Variants in NELL1 observed in about 807,000 individuals in gnomAD.
NELL1 encodes protein kinase C-binding protein NELL1.
Under a neutral mutation model 107.4 loss-of-function variants are expected in NELL1, and 76 were observed. The observed-to-expected ratio is 0.71, with a 90% CI of 0.59 to 0.86. NELL1 has a LOEUF of 0.86. Among genes scored for constraint, NELL1 ranks in the 40% least tolerant of loss-of-function variants. NELL1 has a pLI of 0.00. For missense variants in NELL1, 1,024 were observed against 1,005.5 expected (o/e 1.02, Z -0.25); for synonymous variants, 353 against 341.2 (o/e 1.03, Z -0.38).
chr11:20,687,148 T>G (rs989127730), intron 2 of NELL1, among the ~76,000 whole-genome samples: 1 of 151,616 alleles, frequency 6.6e-6, no homozygotes, highest in African/African-American at 2.4e-5. Context: ...AGTATATGAG[T>G]TTTGTCTAAA....
chr11:20,749,490 A>G (rs1227679279), intron 2 of NELL1, among the ~76,000 whole-genome samples: 1 of 152,034 alleles, frequency 6.6e-6, no homozygotes, highest in Non-Finnish European at 1.5e-5. Flanking sequence ...GGACCAAGCT[A>G]CTTGGGAGGC....
intron 14 of NELL1, among the ~76,000 whole-genome samples, chr11:21,259,351 G>A (rs1858847402): frequency 6.6e-6 from 1 of 151,904 alleles, no homozygotes; most frequent in Non-Finnish European, 1.5e-5. Context: ...CTTTAGAGAA[G>A]TGGCCTTATT....
At chr11:20,795,139 G>A (rs954669268) in intron 3 of NELL1, among the ~76,000 whole-genome samples, 22 of 152,214 alleles carry the variant, frequency 1.4e-4, no homozygotes, top group African/African-American at 5.3e-4. Flanking sequence ...TGGGAACCCA[G>A]TAGCCAGAGT....
chr11:21,149,989 C>T lies in NELL1; in HGVS notation c.1426+36275C>T, dbSNP rs549975656. On this transcript the variant is annotated intron_variant, in intron 13 of 19. Coordinates refer to ENST00000357134, the MANE Select transcript of NELL1 (RefSeq NM_006157.5). ...TTGATTAGGGAAGGCTCTTTGAAGGCGGTGGCTTTTGAGTTGATATCTGGA... is the reference window on the plus strand; with the variant it reads ...TTGATTAGGGAAGGCTCTTTGAAGGTGGTGGCTTTTGAGTTGATATCTGGA... Among the ~76,000 whole-genome samples the T allele has an allele frequency of 7.2e-5, 11 of 152,106 alleles. No individual in the cohort carries two copies. In the South Asian group the frequency reaches 1.7e-3, roughly 23 times the overall value.
chr11:20,678,155 C>T, intron 2 of NELL1, 95 bp downstream of exon 2: 1 of 1,419,354 alleles, frequency 7.0e-7, no homozygotes, highest in Non-Finnish European at 9.9e-7. Context: ...TGGAGATCGC[C>T]TTTGCTATTT....
chr11:21,201,611 C>G (rs928284929), intron 13 of NELL1, among the ~76,000 whole-genome samples: 1 of 151,992 alleles, frequency 6.6e-6, no homozygotes, highest in Non-Finnish European at 1.5e-5. Flanking sequence ...ATTTGAATAC[C>G]TTTTATTTCT....
Position 20,711,598 on chromosome 11 carries a change from T to A in NELL1, c.184+33538T>A, listed in dbSNP as rs562467624. On this transcript the variant is annotated intron_variant, in intron 2 of 19. Transcript: ENST00000357134. ...TGGTACTGGCAAATTCTCTAAGCAATTTTTTTTTTGTCTGAAAAAGACTTT... is the reference window on the plus strand; with the variant it reads ...TGGTACTGGCAAATTCTCTAAGCAAATTTTTTTTTGTCTGAAAAAGACTTT... Among the ~76,000 whole-genome samples the A allele has an allele frequency of 7.3e-5, 11 of 149,720 alleles. No homozygotes were observed. The East Asian group carries it at 2.1e-3, about 29-fold the overall frequency.
intron 15 of NELL1, among the ~76,000 whole-genome samples, chr11:21,424,932 T>G (rs1852782942): frequency 6.6e-6 from 1 of 152,174 alleles, no homozygotes; most frequent in Admixed American, 6.5e-5. Flanking sequence ...TCTTAACTTG[T>G]TCTATGAGGC....
intron 12 of NELL1, among the ~76,000 whole-genome samples, chr11:21,003,979 AT>A (rs1038103281): frequency 6.6e-6 from 1 of 151,982 alleles, no homozygotes; most frequent in African/African-American, 2.4e-5. Context: ...ACTCATACAG[AT>A]TTTCTTGCAC....
Position 21,575,163 on chromosome 11 carries a change from G to C in NELL1, c.*141G>C. ...ATTGCCAAAGTTTCCACCTGAGGAC[G>C]GTGTTTGGAGGTTGCCTTTTGGACC... is the stretch of plus-strand genomic sequence containing the variant. On this transcript the variant is annotated 3_prime_UTR_variant, in exon 20 of 20. Coordinates refer to ENST00000357134, the MANE Select transcript of NELL1 (RefSeq NM_006157.5). 1.4e-6 allele frequency: 1 copy of C among 733,750 alleles called. No homozygotes were observed. The highest frequency in any genetic ancestry group is 2.3e-6 in the Non-Finnish European group (1 of 431,638). The allele number at this position is 733,750 out of a possible 1,614,324, so 45.5% of individuals were successfully genotyped here.
Position 21,471,237 on chromosome 11 carries a change from T to A in NELL1, c.1646-63137T>A, listed in dbSNP as rs201259495. 1.6e-4 allele frequency among the ~76,000 whole-genome samples: 24 copies of A among 151,952 alleles called. No individual in the cohort carries two copies. In the East Asian group the frequency reaches 4.7e-3, roughly 30 times the overall value. ...CCCTCTTTTCAGCAGTCTTTCTCTA[T>A]TTGGAAAAAAAAATAGGCTTGGAAA... On this transcript the variant is annotated intron_variant, in intron 15 of 19. Coordinates refer to ENST00000357134, the MANE Select transcript of NELL1 (RefSeq NM_006157.5).
At chr11:21,206,927 C>T (rs952973207) in intron 13 of NELL1, among the ~76,000 whole-genome samples, 6 of 152,170 alleles carry the variant, frequency 3.9e-5, no homozygotes, top group Non-Finnish European at 8.8e-5. Flanking sequence ...AATCACAAGC[C>T]ACTCTCTTCA....
chr11:21,553,039 C>G (rs1476200975), intron 16 of NELL1, among the ~76,000 whole-genome samples: 7 of 151,844 alleles, frequency 4.6e-5, no homozygotes, highest in African/African-American at 1.7e-4. Context: ...TTGAGAATTG[C>G]TGTATTGACA....
intron 3 of NELL1, among the ~76,000 whole-genome samples, chr11:20,808,138 G>C (rs547905491): frequency 2.0e-4 from 31 of 152,282 alleles, no homozygotes; most frequent in African/African-American, 6.7e-4. Flanking sequence ...TCATAGCTGT[G>C]AATGTGCTGG....
intron 14 of NELL1, among the ~76,000 whole-genome samples, chr11:21,336,050 A>T (rs1850386960): frequency 6.6e-6 from 1 of 152,078 alleles, no homozygotes; most frequent in Admixed American, 6.6e-5. Flanking sequence ...TACATATAAA[A>T]TTTTTCAACA....
intron 15 of NELL1, among the ~76,000 whole-genome samples, chr11:21,385,291 G>C (rs762345212): frequency 1.3e-5 from 2 of 151,888 alleles, no homozygotes; most frequent in African/African-American, 2.4e-5. Context: ...TAGGAACTGT[G>C]TGAAACATTT....
chr11:21,547,068 G>A (rs1489848474), intron 16 of NELL1, among the ~76,000 whole-genome samples: 2 of 151,892 alleles, frequency 1.3e-5, no homozygotes, highest in Admixed American at 6.6e-5. Flanking sequence ...AAGGATTTGG[G>A]GAGGTTGTAT....
In NELL1 at chr11:21,303,134, C is replaced by T. The variant is rs116174711; in HGVS notation, c.1550-67719C>T. ...TATATCTATCTTCTGTCTATCTATA[C>T]ACATACATACATATATAGATAGATA... On this transcript the variant is annotated intron_variant, in intron 14 of 19. Transcript: ENST00000357134. Among the ~76,000 whole-genome samples, 1,192 of 143,160 alleles carry T rather than the reference C, an allele frequency of 8.3e-3. 18 individuals are homozygous for T. Among genetic ancestry groups the T allele is most frequent in the African/African-American group, 0.028 (1,133 of 40,046 alleles). The allele number at this position is 143,160 out of a possible 152,430, so 93.9% of individuals were successfully genotyped here.
At chr11:21,131,141 C>T (rs986767617) in intron 13 of NELL1, among the ~76,000 whole-genome samples, 2 of 152,114 alleles carry the variant, frequency 1.3e-5, no homozygotes, top group African/African-American at 4.8e-5. Context: ...TGTGCATGCA[C>T]ACCTAACAAT....
Sources: allele counts gnomAD v4.1 joint callset (sites outside exome capture counted in the v4.1 genomes callset), GRCh38; gene constraint gnomAD v4.1.1; transcripts MANE v1.5; gene names NCBI Gene and HGNC (gene_info 2026-07-23, HGNC 2026-07-21).